Variants in GRID1 observed in about 807,000 individuals in gnomAD.
The protein encoded by GRID1 is glutamate ionotropic receptor delta type subunit 1, also known as glutamate receptor ionotropic, delta-1.
Under a neutral mutation model 98.0 loss-of-function variants are expected in GRID1, and 28 were observed. The observed-to-expected ratio is 0.29, with a 90% CI of 0.21 to 0.39. The LOEUF is 0.39. Ranked by LOEUF, GRID1 falls within the 10% of genes least tolerant of loss-of-function variation. GRID1 has a pLI of 1.00. For synonymous variants in GRID1, 553 were observed against 538.5 expected, an observed-to-expected ratio of 1.03 and a Z score of -0.37; for missense variants, 1,111 against 1,340.5, an observed-to-expected ratio of 0.83 and a Z score of 2.67.
chr10:85,817,019 C>A (rs915174592), intron 8 of GRID1, among the ~76,000 whole-genome samples: 2 of 152,166 alleles, frequency 1.3e-5, no homozygotes, highest in African/African-American at 2.4e-5. Flanking sequence ...TATGTTGCTG[C>A]AAAGGACCTG....
At chr10:85,721,456 A>G (rs1841701820) in intron 12 of GRID1, among the ~76,000 whole-genome samples, 1 of 152,202 alleles carries the variant, frequency 6.6e-6, no homozygotes, top group Non-Finnish European at 1.5e-5. Context: ...ATGTCCTCCA[A>G]TGGGGGAATA....
chr10:86,129,421 C>A (rs1053772850), intron 4 of GRID1, among the ~76,000 whole-genome samples: 5 of 152,178 alleles, frequency 3.3e-5, no homozygotes, highest in Admixed American at 2.0e-4. Flanking sequence ...GCATTCATAG[C>A]CCAGCTCTGT....
At chr10:86,065,504 G>A (rs1589358526) in intron 4 of GRID1, among the ~76,000 whole-genome samples, 1 of 152,342 alleles carries the variant, frequency 6.6e-6, no homozygotes, top group South Asian at 2.1e-4. Context: ...TTCAAATTCT[G>A]TTGCATGCAC....
intron 4 of GRID1, among the ~76,000 whole-genome samples, chr10:85,951,762 TG>T (rs1432279726): frequency 2.0e-5 from 3 of 152,262 alleles, no homozygotes; most frequent in African/African-American, 7.2e-5. Flanking sequence ...CCGCAGGTGC[TG>T]GCTAAAGGCT....
At chr10:86,199,822 A>C (rs940567678) in intron 3 of GRID1, among the ~76,000 whole-genome samples, 2 of 152,098 alleles carry the variant, frequency 1.3e-5, no homozygotes, top group African/African-American at 4.8e-5. Context: ...TTTGCAGAGA[A>C]TGACTTCAGA....
At chr10:85,797,139 G>A (rs940031129) in intron 8 of GRID1, among the ~76,000 whole-genome samples, 1 of 152,132 alleles carries the variant, frequency 6.6e-6, no homozygotes, top group Non-Finnish European at 1.5e-5. Context: ...GGATGATATG[G>A]TATGAAGCTG....
chr10:86,011,627 T>C (rs1266216719), intron 4 of GRID1, among the ~76,000 whole-genome samples: 1 of 152,196 alleles, frequency 6.6e-6, no homozygotes, highest in Non-Finnish European at 1.5e-5. Flanking sequence ...GAGAAGACTA[T>C]TCCAAGGAGG....
chr10:85,724,797 C>G, intron 10 of GRID1, 121 bp from the exon 11 acceptor site: 1 of 683,510 alleles, frequency 1.5e-6, no homozygotes, highest in Admixed American at 2.9e-5. Flanking sequence ...GATTTGAGAG[C>G]TGGCACCCTG....
chr10:85,876,621 G>A (rs2131799053), intron 5 of GRID1, among the ~76,000 whole-genome samples: 1 of 152,254 alleles, frequency 6.6e-6, no homozygotes. Context: ...ATCATTTTGG[G>A]GTGGAGCCAA....
intron 4 of GRID1, among the ~76,000 whole-genome samples, chr10:86,039,177 A>T (rs933550196): frequency 2.0e-5 from 3 of 152,174 alleles, no homozygotes; most frequent in Middle Eastern, 3.2e-3. Flanking sequence ...TCAGAATGCA[A>T]ATAGGACCTT....
chr10:85,808,754 C>G (rs537532247), intron 8 of GRID1, among the ~76,000 whole-genome samples: 7 of 151,988 alleles, frequency 4.6e-5, no homozygotes, highest in Non-Finnish European at 1.0e-4. Context: ...TAGCATTTTA[C>G]AATAATCAGA....
intron 6 of GRID1, among the ~76,000 whole-genome samples, chr10:85,860,857 A>C (rs991947940): frequency 2.0e-5 from 3 of 152,182 alleles, no homozygotes. Context: ...ACTTATCTTG[A>C]TAACAATAAA....
chr10:85,816,610 ATGACAC>A lies in GRID1; in HGVS notation c.1233+37880_1233+37885del, dbSNP rs1373927514. 1.1e-4 allele frequency among the ~76,000 whole-genome samples: 17 copies of A among 152,346 alleles called. 1 individual carries two copies. The highest frequency in any genetic ancestry group is 3.8e-4 in the African/African-American group (16 of 41,580). On this transcript the variant is annotated intron_variant, in intron 8 of 15. Transcript: ENST00000327946. ...CACATGTTACCATGTTGGTGGATAC[ATGACAC>A]TGTGCATTTGTCAAAATCTATAAAA...
In GRID1 at chr10:86,191,928, C is replaced by T. The variant is rs552775262; in HGVS notation, c.520+14436G>A. Among the ~76,000 whole-genome samples, 144 of 152,228 alleles carry T rather than the reference C, an allele frequency of 9.5e-4. 3 individuals are homozygous for T. In the South Asian group the frequency reaches 0.028, roughly 30 times the overall value. ...TGATCCATCCTGCGTCGCTGGGACA[C>T]AGAGGTCTTGAGGGAGTGATGAGAG... On this transcript the variant is annotated intron_variant, in intron 3 of 15. Coordinates refer to ENST00000327946, the MANE Select transcript of GRID1 (RefSeq NM_017551.3).
At chr10:85,608,096 A>C (rs1842693365) in intron 15 of GRID1, among the ~76,000 whole-genome samples, 1 of 152,184 alleles carries the variant, frequency 6.6e-6, no homozygotes, top group African/African-American at 2.4e-5. Flanking sequence ...GATTATAGGC[A>C]TGCGCCACTA....
intron 2 of GRID1, among the ~76,000 whole-genome samples, chr10:86,290,595 G>T (rs1385948879): frequency 5.3e-5 from 8 of 152,126 alleles, no homozygotes; most frequent in African/African-American, 1.9e-4. Flanking sequence ...AGAGGTTTCA[G>T]TGAGCCAAGA....
intron 13 of GRID1, chr10:85,645,874 G>C (rs1843181901): frequency 6.6e-6 from 1 of 152,320 alleles, no homozygotes; most frequent in Admixed American, 6.5e-5. Context: ...TCATGGGATA[G>C]AGGCTGCACT....
intron 8 of GRID1, among the ~76,000 whole-genome samples, chr10:85,801,695 C>G (rs1232773665): frequency 6.6e-6 from 1 of 151,370 alleles, no homozygotes; most frequent in African/African-American, 2.4e-5. Flanking sequence ...ATAAACATAA[C>G]CATAAGTGGG....
chr10:85,881,243 T>C (rs1286988859), intron 5 of GRID1, among the ~76,000 whole-genome samples: 1 of 152,144 alleles, frequency 6.6e-6, no homozygotes, highest in Non-Finnish European at 1.5e-5. Flanking sequence ...AAGCTACCAA[T>C]GACTTTCTTC....
Sources: gnomAD v4.1 joint callset for allele counts (sites outside exome capture counted in the v4.1 genomes callset) on GRCh38, gnomAD v4.1.1 for gene constraint, MANE v1.5 for transcripts, NCBI Gene and HGNC (gene_info 2026-07-23, HGNC 2026-07-21) for gene names.